The following ITGB3BP variants were observed in gnomAD, a reference collection of about 807,000 sequenced individuals.
ITGB3BP encodes centromere protein R.
A neutral mutation model predicts 29.1 loss-of-function variants in ITGB3BP; 27 were observed. The observed-to-expected ratio is 0.93, with a 90% CI of 0.68 to 1.28. The LOEUF (loss-of-function observed/expected upper bound fraction) is 1.28, where lower values mean the gene tolerates loss of function less well. Ranked by LOEUF, ITGB3BP falls within the 50% of genes most tolerant of loss-of-function variation. The pLI, the probability that ITGB3BP is intolerant of heterozygous loss-of-function variation, is 0.00. For synonymous variants in ITGB3BP, 61 were observed against 61.4 expected (o/e 0.99, Z 0.03); for missense variants, 192 against 200.2 (o/e 0.96, Z 0.25).
intron 1 of ITGB3BP, chr1:63,510,201 AAAAG>A (rs1646170527): frequency 4.0e-6 from 2 of 501,414 alleles, no homozygotes; most frequent in Non-Finnish European, 7.2e-6. Context: ...AAAAAAAAGA[AAAAG>A]AAAATAGAAA....
intron 1 of ITGB3BP, among the ~76,000 whole-genome samples, chr1:63,513,326 CATT>C (rs1311255915): frequency 6.6e-6 from 1 of 152,116 alleles, no homozygotes; most frequent in East Asian, 1.9e-4. Flanking sequence ...CCATTCCTAT[CATT>C]ATTTATTTTG....
intron 3 of ITGB3BP, among the ~76,000 whole-genome samples, chr1:63,480,628 T>A (rs193002624): frequency 1.3e-5 from 2 of 151,760 alleles, no homozygotes; most frequent in Admixed American, 1.3e-4. Flanking sequence ...ACCTATGTCT[T>A]CCTCAAAAAA....
chr1:63,451,106 TAGAAG>T (rs1217577466), intron 7 of ITGB3BP, among the ~76,000 whole-genome samples: 1 of 151,810 alleles, frequency 6.6e-6, no homozygotes, highest in East Asian at 1.9e-4. Context: ...AAAGACCAAT[TAGAAG>T]AGGCAATGAT....
At chr1:63,487,594 C>T (rs887677976) in intron 3 of ITGB3BP, among the ~76,000 whole-genome samples, 1 of 151,974 alleles carries the variant, frequency 6.6e-6, no homozygotes, top group Non-Finnish European at 1.5e-5. Flanking sequence ...CAAACCTGTA[C>T]AGCATATTAC....
chr1:63,444,487 G>A (rs1333829242), intron 8 of ITGB3BP, among the ~76,000 whole-genome samples: 1 of 143,214 alleles, frequency 7.0e-6, no homozygotes, highest in Non-Finnish European at 1.5e-5. Context: ...TTACATATAG[G>A]ATATATATAT....
chr1:63,501,394 T>C (rs1267433013), intron 2 of ITGB3BP, among the ~76,000 whole-genome samples: 1 of 129,650 alleles, frequency 7.7e-6, no homozygotes, highest in Non-Finnish European at 1.7e-5. Context: ...TCCATTTATA[T>C]GAAATGGTCA....
At chr1:63,483,793 G>C (rs960665633) in intron 3 of ITGB3BP, among the ~76,000 whole-genome samples, 6 of 152,100 alleles carry the variant, frequency 3.9e-5, no homozygotes, top group African/African-American at 1.2e-4. Context: ...ACTCAGATAT[G>C]TTTAAATACA....
chr1:63,481,798 T>C (rs1025844742), intron 3 of ITGB3BP, among the ~76,000 whole-genome samples: 4 of 152,238 alleles, frequency 2.6e-5, no homozygotes, highest in African/African-American at 9.6e-5. Context: ...ATGTTACATA[T>C]GATATCTAAT....
chr1:63,447,900 T>A (rs1415625286), intron 7 of ITGB3BP: 71 of 234,026 alleles, frequency 3.0e-4, no homozygotes, highest in Non-Finnish European at 3.5e-4. Flanking sequence ...TGCGGCACTA[T>A]TCACAATAGC....
chr1:63,524,269 G>A (rs187620445), upstream of ITGB3BP, among the ~76,000 whole-genome samples: 5 of 152,258 alleles, frequency 3.3e-5, no homozygotes, highest in East Asian at 3.9e-4. Context: ...CATTTGTGAG[G>A]AGATGCATGC....
intron 4 of ITGB3BP, 71 bp downstream of exon 4, chr1:63,478,693 C>T (rs552425191): frequency 1.1e-4 from 79 of 721,932 alleles, no homozygotes; most frequent in African/African-American, 9.3e-4. Context: ...TGCTTTTAAA[C>T]GGTCACTTTA....
chr1:63,518,471 A>G (rs1296389103), intron 1 of ITGB3BP, among the ~76,000 whole-genome samples: 1 of 151,758 alleles, frequency 6.6e-6, no homozygotes, highest in Non-Finnish European at 1.5e-5. Context: ...TTCATTTTGG[A>G]TATTGATAGT....
At chr1:63,450,283 T>C (rs1644844480) in intron 7 of ITGB3BP, among the ~76,000 whole-genome samples, 1 of 151,970 alleles carries the variant, frequency 6.6e-6, no homozygotes, top group Non-Finnish European at 1.5e-5. Context: ...TACACAATTA[T>C]TCTCAAAACA....
At chr1:63,475,144 T>A (rs112046623) in intron 4 of ITGB3BP, among the ~76,000 whole-genome samples, 3,228 of 151,410 alleles carry the variant, frequency 0.021, 119 homozygotes, top group African/African-American at 0.074. Context: ...CCACCTAATT[T>A]AAAAAAAAAT....
rs533199701 is a variant in ITGB3BP, at chr1:63,468,602, C to T, written c.254+10162G>A. Among the ~76,000 whole-genome samples the T allele has an allele frequency of 9.2e-5, 14 of 152,128 alleles. 1 individual carries two copies. In the South Asian group the frequency reaches 2.9e-3, roughly 32 times the overall value. ...ATTGGCCAGGCGTGGTGGCTTACGCCTGTAATCCCAGCACTTTGGGAGGCC... is the reference window on the plus strand; with the variant it reads ...ATTGGCCAGGCGTGGTGGCTTACGCTTGTAATCCCAGCACTTTGGGAGGCC... On this transcript the variant is annotated intron_variant, in intron 4 of 8. Transcript: ENST00000271002.
intron 4 of ITGB3BP, among the ~76,000 whole-genome samples, chr1:63,477,045 GAA>G (rs756176980): frequency 2.0e-5 from 3 of 152,320 alleles, no homozygotes; most frequent in Admixed American, 6.5e-5. Flanking sequence ...TTGTGGGGCA[GAA>G]AAGACTGAAA....
intron 1 of ITGB3BP, among the ~76,000 whole-genome samples, chr1:63,520,317 C>T (rs1216372559): frequency 6.6e-6 from 1 of 152,110 alleles, no homozygotes; most frequent in Non-Finnish European, 1.5e-5. Context: ...AGATTCAAAT[C>T]CTGGTTTGTC....
intron 2 of ITGB3BP, among the ~76,000 whole-genome samples, chr1:63,493,085 C>CAT (rs1645693636): frequency 1.4e-5 from 2 of 145,522 alleles, no homozygotes; most frequent in African/African-American, 5.3e-5. Flanking sequence ...CACACACACA[C>CAT]ACACGCGCGC....
At chr1:63,505,957 G>C (rs1217604025) in intron 2 of ITGB3BP, among the ~76,000 whole-genome samples, 1 of 152,184 alleles carries the variant, frequency 6.6e-6, no homozygotes, top group African/African-American at 2.4e-5. Flanking sequence ...TTTGGAATAA[G>C]TGTGGTGTGG....
Sources: allele counts gnomAD v4.1 joint callset (sites outside exome capture counted in the v4.1 genomes callset), GRCh38; gene constraint gnomAD v4.1.1; transcripts MANE v1.5; gene names NCBI Gene and HGNC (gene_info 2026-07-23, HGNC 2026-07-21).